PCLO: variants seen among roughly 807,000 people sequenced by gnomAD.
PCLO encodes piccolo presynaptic cytomatrix protein, also known as protein piccolo.
PCLO carries 82 observed loss-of-function variants against 427.5 expected under a neutral mutation model. The ratio of observed to expected loss-of-function variants is 0.19; its 90% CI spans 0.16 to 0.23. The LOEUF is 0.23. Ranked by LOEUF, PCLO falls within the 10% of genes least tolerant of loss-of-function variation. The pLI is 1.00. For synonymous variants in PCLO, 2,357 were observed against 2,155.4 expected, an observed-to-expected ratio of 1.09 and a Z score of -2.59; for missense variants, 6,239 against 6,115.9, an observed-to-expected ratio of 1.02 and a Z score of -0.67.
intron 3 of PCLO, among the ~76,000 whole-genome samples, chr7:82,986,455 A>G (rs922521358): frequency 2.6e-5 from 4 of 151,964 alleles, no homozygotes; most frequent in African/African-American, 9.7e-5. Context: ...TATATTTGAG[A>G]ATTAAGGGGG....
intron 3 of PCLO, among the ~76,000 whole-genome samples, chr7:83,057,968 A>G (rs62458597): frequency 0.23 from 35,519 of 152,052 alleles, 4,213 homozygotes; most frequent in Middle Eastern, 0.32. Context: ...ACAGGATGGG[A>G]CAAAATGTAT....
Position 82,952,178 on chromosome 7 carries a change from T to A in PCLO, c.8775A>T (p.Glu2925Asp), listed in dbSNP as rs78195222. Residue 2925 changes from glutamate (E) to aspartate (D), a missense_variant, in exon 5 of 25, where the codon GAA (glutamate) becomes GAT (aspartate). Physicochemically the swap from Glu to Asp is conservative, Grantham distance 45 (BLOSUM62 2). Transcript: ENST00000333891. ...STSSVMTKII[E>D]DEKPVDLTAG... is the part of the protein sequence containing the mutation. ...CGGTTAAATCAACGGGTTTTTCATCTTCTATTATTTTGGTCATCACACTTG... is the reference window on the plus strand; with the variant it reads ...CGGTTAAATCAACGGGTTTTTCATCATCTATTATTTTGGTCATCACACTTG... 8.2e-7 allele frequency: 1 copy of A among 1,212,300 alleles called. No individual in the cohort carries two copies. Among genetic ancestry groups the A allele is most frequent in the Non-Finnish European group, 1.2e-6 (1 of 858,076 alleles). 75.1% of individuals were successfully genotyped at this position (1,212,300 alleles called of 1,614,324 possible).
Position 82,953,345 on chromosome 7 carries a change from T to C in PCLO, c.7608A>G (p.Leu2536=). 2 of 1,613,858 alleles carry C rather than the reference T, an allele frequency of 1.2e-6. No individual in the cohort carries two copies. The highest frequency in any genetic ancestry group is 1.1e-5 in the South Asian group (1 of 91,074). Residue 2536 remains leucine, a synonymous_variant, in exon 5 of 25, where the codon CTA becomes CTG. Coordinates refer to ENST00000333891, the MANE Select transcript of PCLO (RefSeq NM_033026.6). The stretch of plus-strand genomic sequence containing the variant: ...TTAAGGTCATACTTGAAGTTAAAGA[T>C]AGGCCTGTTGGTTTGGGGTGTATAT... The part of the protein sequence containing the change: ...PTDIHPKPTG[L]SLTSSMTLNL...
intron 4 of PCLO, among the ~76,000 whole-genome samples, chr7:82,962,097 A>G (rs1306287551): frequency 6.6e-6 from 1 of 152,164 alleles, no homozygotes; most frequent in Admixed American, 6.6e-5. Context: ...ATTATCAGGA[A>G]AGCTATTTGA....
At chr7:82,855,252 T>C (rs1239729575) in intron 10 of PCLO, among the ~76,000 whole-genome samples, 2 of 152,148 alleles carry the variant, frequency 1.3e-5, no homozygotes, top group African/African-American at 4.8e-5. Flanking sequence ...AAGATACTTA[T>C]AAGTACTGTA....
chr7:82,877,653 A>G (rs1793405181), intron 10 of PCLO, among the ~76,000 whole-genome samples: 1 of 151,974 alleles, frequency 6.6e-6, no homozygotes, highest in Non-Finnish European at 1.5e-5. Flanking sequence ...CCATTAGAAT[A>G]TTTTTAATAA....
At chr7:83,026,360 G>T (rs1788497271) in intron 3 of PCLO, among the ~76,000 whole-genome samples, 1 of 151,898 alleles carries the variant, frequency 6.6e-6, no homozygotes, top group Non-Finnish European at 1.5e-5. Context: ...GACAAAGAAG[G>T]CCATTACATA....
chr7:83,038,073 T>TATCTTTATATATATATATTTATA (rs1562933256), intron 3 of PCLO, among the ~76,000 whole-genome samples: 13 of 46,174 alleles, frequency 2.8e-4, no homozygotes, highest in African/African-American at 9.9e-4. Context: ...ATTTATATAT[T>TATCTTTATATATATATATTTATA]TATATATATA....
intron 4 of PCLO, among the ~76,000 whole-genome samples, 153 bp from the exon 5 acceptor site, chr7:82,957,088 AT>A (rs1297789832): frequency 6.6e-6 from 1 of 152,188 alleles, no homozygotes; most frequent in East Asian, 1.9e-4. Context: ...TTTGAGAAAA[AT>A]ATTGTTGATA....
chr7:82,784,671 A>G (rs1790945428), intron 22 of PCLO, among the ~76,000 whole-genome samples: 1 of 152,124 alleles, frequency 6.6e-6, no homozygotes, highest in Admixed American at 6.5e-5. Context: ...TTTCTTTTCA[A>G]TTCAACTTCT....
At chr7:83,114,917 T>A (rs1791094412) in intron 3 of PCLO, among the ~76,000 whole-genome samples, 1 of 152,080 alleles carries the variant, frequency 6.6e-6, no homozygotes, top group Non-Finnish European at 1.5e-5. Flanking sequence ...GTCTTTCAAG[T>A]CTATTATTAA....
intron 3 of PCLO, among the ~76,000 whole-genome samples, chr7:82,988,561 TATAAC>T (rs10555684): frequency 0.25 from 37,425 of 151,716 alleles, 5,125 homozygotes; most frequent in African/African-American, 0.37. Context: ...CATTTAACCT[TATAAC>T]ATGAGTACAA....
intron 10 of PCLO, among the ~76,000 whole-genome samples, chr7:82,849,980 A>T (rs1045000960): frequency 3.3e-5 from 5 of 150,688 alleles, no homozygotes; most frequent in African/African-American, 1.2e-4. Context: ...ATTCCTTGAA[A>T]GTACCTATTT....
intron 3 of PCLO, among the ~76,000 whole-genome samples, chr7:83,057,620 C>G (rs998719928): frequency 1.3e-5 from 2 of 151,308 alleles, no homozygotes; most frequent in Non-Finnish European, 2.9e-5. Flanking sequence ...CTCGGCCTCC[C>G]AAAGTGCTGG....
In PCLO at chr7:82,801,515, T is replaced by C; in HGVS notation, c.15007+3A>G. The C allele has an allele frequency of 1.3e-6, 2 of 1,526,704 alleles. No homozygotes were observed. The highest frequency in any genetic ancestry group is 1.8e-6 in the Non-Finnish European group (2 of 1,100,776). The allele number at this position is 1,526,704 out of a possible 1,614,324, so 94.6% of individuals were successfully genotyped here. A position where few individuals can be genotyped will look rare whatever the true frequency, so the allele number is the denominator to read the frequency against. Reference sequence around the variant, plus strand: ...AAATCCAATATTGTAAATTTTTACTTACCTTCAGTGTCTGCTAGTCCTACT... The same window carrying C: ...AAATCCAATATTGTAAATTTTTACTCACCTTCAGTGTCTGCTAGTCCTACT... On this transcript the variant is annotated splice_donor_region_variant and intron_variant, in intron 22 of 24. Transcript: ENST00000333891.
chr7:83,157,940 C>G (rs891202214), intron 1 of PCLO, among the ~76,000 whole-genome samples: 3 of 152,012 alleles, frequency 2.0e-5, no homozygotes, highest in African/African-American at 7.2e-5. Flanking sequence ...TATTTTATTT[C>G]ATATTCAATA....
intron 22 of PCLO, among the ~76,000 whole-genome samples, chr7:82,780,397 T>A (rs1790847004): frequency 6.6e-6 from 1 of 152,242 alleles, no homozygotes; most frequent in African/African-American, 2.4e-5. Context: ...TTTGAAAACC[T>A]GCTATCAATT....
At chr7:82,982,411 C>T (rs1337150772) in intron 3 of PCLO, among the ~76,000 whole-genome samples, 1 of 152,054 alleles carries the variant, frequency 6.6e-6, no homozygotes, top group Non-Finnish European at 1.5e-5. Context: ...GCATGCTAAA[C>T]TGAAGGCAAG....
chr7:82,830,571 C>A (rs1045239906), intron 16 of PCLO, among the ~76,000 whole-genome samples: 1 of 151,870 alleles, frequency 6.6e-6, no homozygotes, highest in South Asian at 2.1e-4. Context: ...GAAACAAACA[C>A]ATGGTAGTAT....
Sources: gnomAD v4.1 joint callset for allele counts (sites outside exome capture counted in the v4.1 genomes callset) on GRCh38, gnomAD v4.1.1 for gene constraint, MANE v1.5 for transcripts, NCBI Gene and HGNC (gene_info 2026-07-23, HGNC 2026-07-21) for gene names.